Variants in PNPLA7 observed in about 807,000 individuals in gnomAD.
PNPLA7 encodes the protein patatin like domain 7, lysophospholipase.
A neutral mutation model predicts 161.7 loss-of-function variants in PNPLA7; 153 were observed. That is an observed-to-expected ratio of 0.95 (90% confidence interval 0.83 to 1.08). The LOEUF (loss-of-function observed/expected upper bound fraction) is 1.08. Ranked by LOEUF, PNPLA7 falls within the 50% of genes least tolerant of loss-of-function variation. PNPLA7 has a pLI of 0.00. For synonymous variants in PNPLA7, 809 were observed against 782.1 expected (o/e 1.03, Z -0.57); for missense variants, 1,739 against 1,856.6 (o/e 0.94, Z 1.16).
At chr9:137,539,847 A>G (rs1836094005) in intron 8 of PNPLA7, among the ~76,000 whole-genome samples, 1 of 152,100 alleles carries the variant, frequency 6.6e-6, no homozygotes. Flanking sequence ...GTGCAGTGGC[A>G]GGATCTTGGC....
intron 8 of PNPLA7, among the ~76,000 whole-genome samples, chr9:137,528,387 C>T (rs1341777185): frequency 6.6e-6 from 1 of 152,176 alleles, no homozygotes. Context: ...GGCTGGAGTG[C>T]CATGGCACAG....
intron 20 of PNPLA7, chr9:137,492,276 C>T (rs1832800100): frequency 4.1e-6 from 4 of 985,248 alleles, no homozygotes; most frequent in Non-Finnish European, 4.8e-6. Context: ...GCACTCTCCG[C>T]TCCACCAATA....
chr9:137,475,523 C>T (rs897871410), intron 25 of PNPLA7, among the ~76,000 whole-genome samples: 43 of 152,024 alleles, frequency 2.8e-4, no homozygotes, highest in African/African-American at 1.0e-3. Context: ...TACAGGCGCC[C>T]GCCACCAAGC....
Position 137,523,783 on chromosome 9 carries a change from C to G in PNPLA7, c.748-926G>C, listed in dbSNP as rs1186143419. 1.3e-5 allele frequency among the ~76,000 whole-genome samples: 2 copies of G among 152,160 alleles called. No homozygotes were observed. Among genetic ancestry groups the G allele is most frequent in the African/African-American group, 4.8e-5 (2 of 41,446 alleles). On this transcript the variant is annotated intron_variant, in intron 8 of 34. Coordinates refer to ENST00000406427, the MANE Select transcript of PNPLA7 (RefSeq NM_001098537.3). The surrounding 1 kb of genome is among the most constrained non-coding windows in gnomAD (Gnocchi z 4.4). ...CTGGGGCTACAAGCGCCCGCCACCA[C>G]GCCCGGCTAATTTGTTTTTTGAATT...
intron 1 of PNPLA7, among the ~76,000 whole-genome samples, chr9:137,548,525 G>A (rs1265758470): frequency 1.3e-5 from 2 of 152,078 alleles, no homozygotes; most frequent in Admixed American, 6.6e-5. Flanking sequence ...TGAGGCGGGC[G>A]GATCATGAGG....
At chr9:137,478,205 G>C in intron 24 of PNPLA7, 53 bp from the exon 25 acceptor site, 1 of 1,218,784 alleles carries the variant, frequency 8.2e-7, no homozygotes, top group Non-Finnish European at 1.0e-6. Flanking sequence ...CCTCGGCCGA[G>C]ACCTCGCATC....
intron 8 of PNPLA7, among the ~76,000 whole-genome samples, chr9:137,528,747 C>CAGTGGTGCGATCT (rs1408973544): frequency 1.3e-5 from 2 of 151,686 alleles, no homozygotes; most frequent in Non-Finnish European, 2.9e-5. Flanking sequence ...CTTGCCCAGG[C>CAGTGGTGCGATCT]TGGAGTGCAG....
At chr9:137,469,824 T>C (rs1831633670) in intron 25 of PNPLA7, among the ~76,000 whole-genome samples, 1 of 152,048 alleles carries the variant, frequency 6.6e-6, no homozygotes, top group African/African-American at 2.4e-5. Flanking sequence ...AGAGAAAGCA[T>C]CAATGATGAA....
At chr9:137,545,746 T>A (rs1197937389) in intron 4 of PNPLA7, among the ~76,000 whole-genome samples, 1 of 152,064 alleles carries the variant, frequency 6.6e-6, no homozygotes, top group African/African-American at 2.4e-5. Flanking sequence ...GGGGACATAG[T>A]GAGGAGTGAC....
At position 137,471,134 on chromosome 9, in the gene PNPLA7, T is replaced by C. The variant is rs1935918; in HGVS notation, c.2883-3661A>G. Among the ~76,000 whole-genome samples, 422 of 152,304 alleles carry C rather than the reference T, an allele frequency of 2.8e-3. 6 individuals carry two copies. The highest frequency in any genetic ancestry group is 9.7e-3 in the African/African-American group (404 of 41,554). On this transcript the variant is annotated intron_variant, in intron 25 of 34. Transcript: ENST00000406427. ...ATGCATATTGTACAGGAAGAGAAAA[T>C]ACTGTTTTAATCTCAGAAAATTTAA...
chr9:137,462,740 A>G lies in PNPLA7; in HGVS notation c.3437T>C (p.Leu1146Pro). 1 of 1,613,906 alleles carries G rather than the reference A, an allele frequency of 6.2e-7. No homozygotes were observed. Among genetic ancestry groups the G allele is most frequent in the Non-Finnish European group, 8.5e-7 (1 of 1,179,960 alleles). The change falls in exon 30 of 35, where the codon CTG becomes CCG. Residue 1146 changes from leucine to proline, a missense_variant. Leu to Pro is a moderately conservative substitution (Grantham distance 98, BLOSUM62 -3). Coordinates refer to ENST00000406427, the MANE Select transcript of PNPLA7 (RefSeq NM_001098537.3). ...TTTCCACAGCAGCCACCACCCAGAC[A>G]GCGCATCCCCATAGTTGGTGAGGTC... ...ETDLTNYGDA[L>P]SGWWLLWKRW...
rs762738715 is a variant in PNPLA7 at position 137,497,169 on chromosome 9, G to C, written c.2013+18C>G. On this transcript the variant is annotated intron_variant, in intron 18 of 34. Transcript: ENST00000406427. The stretch of plus-strand genomic sequence containing the variant: ...GGATGCAGAGGTGGGGGAGGCAGGA[G>C]CAGGGCCCAGCACCTACCACGCCGA... 3 of 1,537,398 alleles carry C rather than the reference G, an allele frequency of 2.0e-6. No homozygotes were observed. The Admixed American group carries it at 5.9e-5, about 30-fold the overall frequency.
At chr9:137,529,243 C>T (rs1250331476) in intron 8 of PNPLA7, among the ~76,000 whole-genome samples, 1 of 152,200 alleles carries the variant, frequency 6.6e-6, no homozygotes, top group Non-Finnish European at 1.5e-5. Flanking sequence ...AATCCTCCCA[C>T]CTGAGCCTCC....
At chr9:137,509,218 G>A (rs1834074166) in intron 12 of PNPLA7, 2 of 155,974 alleles carry the variant, frequency 1.3e-5, no homozygotes, top group African/African-American at 2.4e-5. Context: ...AGTTTAGCGG[G>A]TACGAGTGAG....
At position 137,460,625 on chromosome 9, in the gene PNPLA7, G is replaced by C. The variant is rs201798818; in HGVS notation, c.3945+9C>G. 6.2e-7 allele frequency: 1 copy of C among 1,610,466 alleles called. No individual in the cohort carries two copies. The highest frequency in any genetic ancestry group is 2.2e-5 in the East Asian group (1 of 44,860). On this transcript the variant is annotated intron_variant, in intron 34 of 34. Transcript: ENST00000406427. ...TGGGCACCAGGTGGGACCATGCCCA[G>C]CTCCTCACCAAGTCTGAGCCCTGCT...
At chr9:137,518,401 A>C (rs1588664168) in intron 11 of PNPLA7, among the ~76,000 whole-genome samples, 2 of 37,850 alleles carry the variant, frequency 5.3e-5, no homozygotes, top group Non-Finnish European at 9.2e-5. Flanking sequence ...TCACTCACTC[A>C]CTCCACTCTG....
intron 29 of PNPLA7, chr9:137,463,135 G>C: frequency 1.7e-6 from 1 of 588,254 alleles, no homozygotes; most frequent in South Asian, 2.1e-5. Flanking sequence ...GGGCTTAATT[G>C]CTCCCAGTTC....
intron 21 of PNPLA7, among the ~76,000 whole-genome samples, chr9:137,481,321 G>A (rs1564294312): frequency 6.6e-6 from 1 of 152,214 alleles, no homozygotes; most frequent in Non-Finnish European, 1.5e-5. Flanking sequence ...CCTCCAGCAC[G>A]AGCAGCAGTG....
intron 20 of PNPLA7, chr9:137,491,591 C>G: frequency 1.0e-6 from 1 of 985,434 alleles, no homozygotes; most frequent in Non-Finnish European, 1.2e-6. Context: ...AGTGTCCCCC[C>G]AAATTCATGT....
Sources: gnomAD v4.1 joint callset for allele counts (sites outside exome capture counted in the v4.1 genomes callset) on GRCh38, gnomAD v4.1.1 for gene constraint, Gnocchi (gnomAD v3.1) non-coding constraint, MANE v1.5 for transcripts, NCBI Gene and HGNC (gene_info 2026-07-23, HGNC 2026-07-21) for gene names.